The following CFAP299 variants were observed in gnomAD, a reference collection of about 807,000 sequenced individuals.
The protein encoded by CFAP299 is cilia and flagella associated protein 299.
CFAP299 carries 21 observed loss-of-function variants against 27.0 expected under a neutral mutation model. The ratio of observed to expected loss-of-function variants is 0.78; its 90% CI spans 0.55 to 1.12. The LOEUF (loss-of-function observed/expected upper bound fraction) is 1.12. Among genes scored for constraint, CFAP299 ranks in the 50% most tolerant of loss-of-function variants. The pLI, the probability that CFAP299 is intolerant of heterozygous loss-of-function variation, is 0.00. For missense variants in CFAP299, 310 were observed against 276.6 expected (o/e 1.12, Z -0.86); for synonymous variants, 104 against 98.1 (o/e 1.06, Z -0.36).
At chr4:80,352,820 T>C (rs1452171607) in intron 1 of CFAP299, among the ~76,000 whole-genome samples, 1 of 151,672 alleles carries the variant, frequency 6.6e-6, no homozygotes, top group East Asian at 1.9e-4. Flanking sequence ...AATAACGCAA[T>C]GTCAAAAAAG....
intron 3 of CFAP299, among the ~76,000 whole-genome samples, chr4:80,609,834 T>C (rs1347442114): frequency 1.3e-5 from 2 of 152,170 alleles, no homozygotes; most frequent in East Asian, 3.9e-4. Context: ...TGCCTACTAA[T>C]GAATTTTGTC....
rs1012559007 is a variant in CFAP299, at chr4:80,958,780, A to C, written c.607-4737A>C. ...CTGGAAATCCTGACTCAGTCCACTC[A>C]TGGTGCAATCTGAAAGCTGTCTAAC... On this transcript the variant is annotated intron_variant, in intron 5 of 5. Coordinates refer to ENST00000358105, the MANE Select transcript of CFAP299 (RefSeq NM_152770.3). Among the ~76,000 whole-genome samples the C allele has an allele frequency of 3.9e-5, 6 of 152,286 alleles. No individual in the cohort carries two copies. The East Asian group carries it at 1.2e-3, about 29-fold the overall frequency.
intron 4 of CFAP299, among the ~76,000 whole-genome samples, chr4:80,890,836 T>C (rs1165958860): frequency 6.9e-6 from 1 of 144,102 alleles, no homozygotes; most frequent in Non-Finnish European, 1.5e-5. Context: ...TCTTCATGTG[T>C]TTTTTGGCTG....
At chr4:80,538,690 G>T (rs748685112) in intron 2 of CFAP299, among the ~76,000 whole-genome samples, 1 of 152,144 alleles carries the variant, frequency 6.6e-6, no homozygotes, top group Non-Finnish European at 1.5e-5. Context: ...GAGGTTTGTC[G>T]CCTAGGAGAA....
rs539561287 is a variant in CFAP299, at chr4:80,731,405, A to G, written c.334-138588A>G. ...CTCCACTGATAATAAAAATGGAGGC[A>G]TGCATGCGGAAATGCCCAATAATGG... On this transcript the variant is annotated intron_variant, in intron 3 of 5. Coordinates refer to ENST00000358105, the MANE Select transcript of CFAP299 (RefSeq NM_152770.3). Among the ~76,000 whole-genome samples, 4 of 152,348 alleles carry G rather than the reference A, an allele frequency of 2.6e-5. No homozygotes were observed. In the East Asian group the frequency reaches 7.7e-4, roughly 29 times the overall value.
Position 80,677,351 on chromosome 4 carries a change from T to C in CFAP299, c.333+94168T>C, listed in dbSNP as rs116106725. The stretch of plus-strand genomic sequence containing the variant: ...ATGCTTTTGACTGCATTATTTTCTG[T>C]TGTTTCTCCTACTTTCATACTCAGA... On this transcript the variant is annotated intron_variant, in intron 3 of 5. Transcript: ENST00000358105. 3.2e-3 allele frequency among the ~76,000 whole-genome samples: 484 copies of C among 152,088 alleles called. 4 individuals are homozygous for C. Among genetic ancestry groups the C allele is most frequent in the South Asian group, 2.9e-3 (14 of 4,830 alleles).
intron 3 of CFAP299, among the ~76,000 whole-genome samples, chr4:80,830,933 T>C (rs1730265991): frequency 1.3e-5 from 2 of 152,156 alleles, no homozygotes; most frequent in African/African-American, 4.8e-5. Context: ...GCACTTTACA[T>C]ACATCATCTC....
chr4:80,321,510 G>A, the CFAP299 span, among the ~76,000 whole-genome samples: 1 of 152,062 alleles, frequency 6.6e-6, no homozygotes, highest in African/African-American at 2.4e-5. Context: ...GTGGCCACAT[G>A]TCCCCCCGCC....
intron 5 of CFAP299, among the ~76,000 whole-genome samples, chr4:80,945,894 C>T (rs1441101854): frequency 6.6e-6 from 1 of 151,988 alleles, no homozygotes. Flanking sequence ...TGGCTCACAC[C>T]TGTAATCCCA....
At chr4:80,929,942 T>G (rs1232476752) in intron 4 of CFAP299, among the ~76,000 whole-genome samples, 1 of 152,134 alleles carries the variant, frequency 6.6e-6, no homozygotes, top group East Asian at 1.9e-4. Flanking sequence ...ACTCCTAAAA[T>G]TCTTGGACTC....
Position 80,912,667 on chromosome 4 carries a change from T to C in CFAP299, c.477-32143T>C, listed in dbSNP as rs73829193. On this transcript the variant is annotated intron_variant, in intron 4 of 5. Coordinates refer to ENST00000358105, the MANE Select transcript of CFAP299 (RefSeq NM_152770.3). ...CAAGGGTCAGTGGTTAACCCAGAGC[T>C]CTGAACCCAGAGTTCTGTGTCTGAT... Among the ~76,000 whole-genome samples the C allele has an allele frequency of 7.8e-3, 1,181 of 152,260 alleles. 3 individuals are homozygous for C. The highest frequency in any genetic ancestry group is 0.014 in the Middle Eastern group (4 of 294).
chr4:80,685,006 G>A (rs1720094010), intron 3 of CFAP299, among the ~76,000 whole-genome samples: 1 of 152,044 alleles, frequency 6.6e-6, no homozygotes, highest in Non-Finnish European at 1.5e-5. Context: ...ATTATTTTCT[G>A]TAATTACATA....
intron 2 of CFAP299, among the ~76,000 whole-genome samples, chr4:80,524,784 A>G (rs1397196421): frequency 2.0e-5 from 3 of 152,168 alleles, no homozygotes; most frequent in Non-Finnish European, 2.9e-5. Flanking sequence ...CAAATTTAGC[A>G]TCTTAAAATA....
chr4:80,575,702 A>T, intron 2 of CFAP299, among the ~76,000 whole-genome samples: 1 of 151,014 alleles, frequency 6.6e-6, no homozygotes, highest in African/African-American at 2.4e-5. Context: ...TCTTGCTTTT[A>T]TAGTTTTTAA....
chr4:80,325,788 C>T, the CFAP299 span, among the ~76,000 whole-genome samples: 1 of 152,092 alleles, frequency 6.6e-6, no homozygotes, highest in Non-Finnish European at 1.5e-5. Flanking sequence ...GAAAATAGTC[C>T]TATTTTCTAG....
intron 4 of CFAP299, among the ~76,000 whole-genome samples, chr4:80,905,197 A>G (rs1466174121): frequency 6.6e-6 from 1 of 152,222 alleles, no homozygotes; most frequent in Non-Finnish European, 1.5e-5. Flanking sequence ...TTCTGCTGCA[A>G]TTAAAAATCT....
chr4:80,840,458 C>G (rs1730802413), intron 3 of CFAP299, among the ~76,000 whole-genome samples: 1 of 152,018 alleles, frequency 6.6e-6, no homozygotes, highest in South Asian at 2.1e-4. Flanking sequence ...TGGTTAAGAA[C>G]AAAATTATTT....
chr4:80,777,561 A>G (rs1181759753), intron 3 of CFAP299, among the ~76,000 whole-genome samples: 1 of 152,178 alleles, frequency 6.6e-6, no homozygotes, highest in Admixed American at 6.6e-5. Flanking sequence ...TCTTAGTTCT[A>G]TCACTTCTTA....
intron 3 of CFAP299, among the ~76,000 whole-genome samples, chr4:80,627,156 G>T (rs1185355187): frequency 6.6e-6 from 1 of 151,890 alleles, no homozygotes; most frequent in Admixed American, 6.6e-5. Flanking sequence ...TCATGATCAA[G>T]TGGTATTCAT....
Sources: gnomAD v4.1 joint callset for allele counts (sites outside exome capture counted in the v4.1 genomes callset) on GRCh38, gnomAD v4.1.1 for gene constraint, MANE v1.5 for transcripts, NCBI Gene and HGNC (gene_info 2026-07-23, HGNC 2026-07-21) for gene names.